PPP1R13B: variants seen among roughly 807,000 people sequenced by gnomAD.
The protein encoded by PPP1R13B is apoptosis-stimulating of p53 protein 1.
Under a neutral mutation model 119.8 loss-of-function variants are expected in PPP1R13B, and 44 were observed. The observed-to-expected ratio is 0.37, with a 90% CI of 0.29 to 0.47. The LOEUF (loss-of-function observed/expected upper bound fraction) is 0.47, where lower values mean the gene tolerates loss of function less well. PPP1R13B is among the 20% of genes least tolerant of loss of function. PPP1R13B has a pLI of 0.99. For missense variants in PPP1R13B, 1,227 were observed against 1,413.5 expected, an observed-to-expected ratio of 0.87 and a Z score of 2.12; for synonymous variants, 542 against 561.5, an observed-to-expected ratio of 0.97 and a Z score of 0.49.
At chr14:103,796,652 T>C (rs2085764629) in intron 2 of PPP1R13B, among the ~76,000 whole-genome samples, 1 of 152,170 alleles carries the variant, frequency 6.6e-6, no homozygotes, top group East Asian at 1.9e-4. Context: ...TGAAAATATA[T>C]GTCCACACAA....
At chr14:103,775,841 C>T (rs1268987268) in intron 4 of PPP1R13B, among the ~76,000 whole-genome samples, 1 of 151,984 alleles carries the variant, frequency 6.6e-6, no homozygotes, top group African/African-American at 2.4e-5. Flanking sequence ...AATCTCTACT[C>T]CAATGACAGA....
chr14:103,841,073 G>A (rs887282495), intron 1 of PPP1R13B, among the ~76,000 whole-genome samples: 1 of 152,104 alleles, frequency 6.6e-6, no homozygotes, highest in Non-Finnish European at 1.5e-5. Flanking sequence ...GTCACCTGAG[G>A]TCGGGAGTTC....
At chr14:103,743,515 C>T (rs949314088) in intron 9 of PPP1R13B, among the ~76,000 whole-genome samples, 4 of 152,168 alleles carry the variant, frequency 2.6e-5, no homozygotes, top group Non-Finnish European at 5.9e-5. Context: ...AACACAAGGC[C>T]CCTCACAGTG....
chr14:103,790,057 C>A (rs939274996), intron 2 of PPP1R13B, among the ~76,000 whole-genome samples: 1 of 150,878 alleles, frequency 6.6e-6, no homozygotes, highest in Non-Finnish European at 1.5e-5. Flanking sequence ...ACCAGCCTGG[C>A]CAACATGGTA....
At chr14:103,818,075 T>C (rs148572057) in intron 1 of PPP1R13B, among the ~76,000 whole-genome samples, 6 of 152,248 alleles carry the variant, frequency 3.9e-5, no homozygotes, top group East Asian at 1.9e-4. Flanking sequence ...AAACAAAACA[T>C]TGTAAGTGTG....
chr14:103,774,503 A>G (rs1201819934), intron 4 of PPP1R13B, among the ~76,000 whole-genome samples: 3 of 152,200 alleles, frequency 2.0e-5, no homozygotes, highest in Non-Finnish European at 4.4e-5. Context: ...TTTATAGCAT[A>G]ATGACAAACC....
At chr14:103,846,587 G>C (rs533272940) in intron 1 of PPP1R13B, among the ~76,000 whole-genome samples, 3 of 152,222 alleles carry the variant, frequency 2.0e-5, no homozygotes, top group Non-Finnish European at 4.4e-5. Flanking sequence ...TTAAAAATCA[G>C]AATTCAGCAT....
intron 7 of PPP1R13B, among the ~76,000 whole-genome samples, chr14:103,752,444 G>A (rs1050580929): frequency 2.6e-5 from 4 of 151,998 alleles, no homozygotes; most frequent in Admixed American, 6.6e-5. Flanking sequence ...TAACTGTGGC[G>A]GTGGATGTAA....
chr14:103,815,977 G>A (rs952491531), intron 1 of PPP1R13B, among the ~76,000 whole-genome samples: 35 of 148,016 alleles, frequency 2.4e-4, no homozygotes, highest in Non-Finnish European at 3.9e-4. Flanking sequence ...CCAGCTACTC[G>A]GGAGGCTGAG....
At chr14:103,848,767 A>G (rs1567171034), upstream of PPP1R13B, among the ~76,000 whole-genome samples, 1 of 148,888 alleles carries the variant, frequency 6.7e-6, no homozygotes, top group Non-Finnish European at 1.5e-5. Context: ...ATTCCTGGGG[A>G]GCCACCCCTG....
Position 103,757,645 on chromosome 14 carries a change from C to T in PPP1R13B, c.456+5G>A. ...AATGTTTCAATACCTCTTTTTATAA[C>T]TTACCTTGGCAACCAACATCTGCTG... On this transcript the variant is annotated splice_donor_5th_base_variant and intron_variant, in intron 5 of 16. Coordinates refer to ENST00000202556, the MANE Select transcript of PPP1R13B (RefSeq NM_015316.3). 6.2e-7 allele frequency: 1 copy of T among 1,613,054 alleles called. No homozygotes were observed. The highest frequency in any genetic ancestry group is 2.2e-5 in the East Asian group (1 of 44,856).
rs575750684 is a variant in PPP1R13B at position 103,739,410 on chromosome 14, G to A, written c.2593-387C>T. 4 of 310,472 alleles carry A rather than the reference G, an allele frequency of 1.3e-5. No individual in the cohort carries two copies. The East Asian group carries it at 2.2e-4, about 17-fold the overall frequency. The allele number at this position is 310,472 out of a possible 1,614,324, so 19.2% of individuals were successfully genotyped here. ...CTTCCTGCTATGGCACCAGATCCTA[G>A]TGGAGAGAATCCCACTGAGGGTTCC... On this transcript the variant is annotated intron_variant, in intron 12 of 16. Coordinates refer to ENST00000202556, the MANE Select transcript of PPP1R13B (RefSeq NM_015316.3).
At chr14:103,779,521 G>A (rs1211614920) in intron 3 of PPP1R13B, among the ~76,000 whole-genome samples, 1 of 151,966 alleles carries the variant, frequency 6.6e-6, no homozygotes, top group African/African-American at 2.4e-5. Flanking sequence ...CAGCACTTTG[G>A]GAGGTGCTGG....
At chr14:103,747,595 T>C (rs2084418704) in intron 8 of PPP1R13B, among the ~76,000 whole-genome samples, 1 of 152,136 alleles carries the variant, frequency 6.6e-6, no homozygotes, top group Non-Finnish European at 1.5e-5. Context: ...TAGTGGTGAT[T>C]TGTGAGATTT....
intron 2 of PPP1R13B, among the ~76,000 whole-genome samples, chr14:103,793,319 G>T (rs930029768): frequency 6.6e-6 from 1 of 152,180 alleles, no homozygotes; most frequent in Non-Finnish European, 1.5e-5. Flanking sequence ...TCAAGGGAGA[G>T]ACCAGATGGA....
chr14:103,814,206 G>A (rs1431212622), intron 1 of PPP1R13B, among the ~76,000 whole-genome samples: 19 of 151,988 alleles, frequency 1.3e-4, no homozygotes, highest in African/African-American at 2.4e-5. Flanking sequence ...AATATTAGCC[G>A]GGCATGGTGG....
At chr14:103,778,460 AC>A in intron 4 of PPP1R13B, 1 of 245,148 alleles carries the variant, frequency 4.1e-6, no homozygotes, top group Non-Finnish European at 7.8e-6. Flanking sequence ...ACGGGGTTTC[AC>A]CAGATTGGCC....
intron 2 of PPP1R13B, among the ~76,000 whole-genome samples, chr14:103,793,419 T>C (rs2085677937): frequency 6.6e-6 from 1 of 152,164 alleles, no homozygotes; most frequent in Admixed American, 6.6e-5. Context: ...CCCCCTTCAC[T>C]TGACATTTCT....
In PPP1R13B at chr14:103,738,916, C is replaced by T; in HGVS notation, c.2700G>A (p.Glu900=). The T allele has an allele frequency of 6.2e-7, 1 of 1,614,058 alleles. No homozygotes were observed. Among genetic ancestry groups the T allele is most frequent in the Non-Finnish European group, 8.5e-7 (1 of 1,179,976 alleles). ...AGATGATCCTCTGCACCAGATCGAA[C>T]TCTCCTTCCAGAGACGCGTCTAGGA... ...ALLLDASLEG[E]FDLVQRIIYE... Residue 900 remains glutamate (E), a synonymous_variant, in exon 13 of 17, where the codon GAG becomes GAA. Transcript: ENST00000202556. This position sits in a 1 kb window ranked among gnomAD's most constrained non-coding sequence, Gnocchi z 5.6.
Sources: gnomAD v4.1 joint callset for allele counts (sites outside exome capture counted in the v4.1 genomes callset) on GRCh38, gnomAD v4.1.1 for gene constraint, Gnocchi (gnomAD v3.1) non-coding constraint, MANE v1.5 for transcripts, NCBI Gene and HGNC (gene_info 2026-07-23, HGNC 2026-07-21) for gene names.